The following C1GALT1 variants were observed in gnomAD, a reference collection of about 807,000 sequenced individuals.
C1GALT1 encodes core 1 synthase, glycoprotein-N-acetylgalactosamine 3-beta-galactosyltransferase 1, also known as glycoprotein-N-acetylgalactosamine 3-beta-galactosyltransferase 1.
Under a neutral mutation model 31.0 loss-of-function variants are expected in C1GALT1, and 11 were observed. That is an observed-to-expected ratio of 0.36 (90% CI 0.22 to 0.59). The LOEUF (loss-of-function observed/expected upper bound fraction) is 0.59. Among genes scored for constraint, C1GALT1 ranks in the 20% least tolerant of loss-of-function variants. The pLI, the probability that C1GALT1 is intolerant of heterozygous loss-of-function variation, is 0.79. For synonymous variants in C1GALT1, 175 were observed against 143.6 expected, an observed-to-expected ratio of 1.22 and a Z score of -1.56; for missense variants, 424 against 425.2, an observed-to-expected ratio of 1.00 and a Z score of 0.03.
intron 2 of C1GALT1, among the ~76,000 whole-genome samples, chr7:7,165,124 A>T (rs1331955958): frequency 6.6e-6 from 1 of 152,156 alleles, no homozygotes; most frequent in East Asian, 1.9e-4. Context: ...TTTTATGTGA[A>T]CAGAACTAGA....
Position 7,243,621 on chromosome 7 carries a change from A to G in C1GALT1, c.986A>G (p.Tyr329Cys), listed in dbSNP as rs1162683796. 5 of 1,612,510 alleles carry G rather than the reference A, an allele frequency of 3.1e-6. No homozygotes were observed. Among genetic ancestry groups the G allele is most frequent in the Admixed American group, 1.7e-5 (1 of 59,894 alleles). The change falls in exon 4 of 4, where the codon TAT becomes TGT. Residue 329 changes from tyrosine to cysteine, a missense_variant. Coordinates refer to ENST00000436587, the MANE Select transcript of C1GALT1 (RefSeq NM_020156.5). The part of the protein sequence containing the change: ...LEYLVYHLRP[Y>C]GYLYRYQPTL... ...TACCTCGTTTATCATCTTCGTCCAT[A>G]TGGTTATTTATACAGATATCAACCT...
intron 1 of C1GALT1, among the ~76,000 whole-genome samples, chr7:7,233,234 GATCTTGC>G (rs1783172035): frequency 6.6e-6 from 1 of 152,034 alleles, no homozygotes; most frequent in South Asian, 2.1e-4. Flanking sequence ...CCAAAATCTA[GATCTTGC>G]AGTATAGAGC....
rs560722571 is a variant in C1GALT1 at position 7,163,364 on chromosome 7, C to G, written c.-18+5938C>G. 1.6e-3 allele frequency among the ~76,000 whole-genome samples: 247 copies of G among 152,140 alleles called. 2 individuals are homozygous for G. The highest frequency in any genetic ancestry group is 0.01 in the Middle Eastern group (3 of 294). On this transcript the variant is annotated intron_variant, in intron 2 of 3. Coordinates refer to the C1GALT1 transcript ENST00000429911. ...ACAAACCCACAGCCAATATCATACT[C>G]AATGGGCAAAAACTGGAAGCATTCC...
chr7:7,230,273 T>A (rs1272495695), intron 1 of C1GALT1, among the ~76,000 whole-genome samples: 1 of 152,206 alleles, frequency 6.6e-6, no homozygotes, highest in Non-Finnish European at 1.5e-5. Flanking sequence ...GAAATAAATG[T>A]TAATACAGAA....
intron 1 of C1GALT1, among the ~76,000 whole-genome samples, chr7:7,203,396 T>A (rs7807184): frequency 0.038 from 5,743 of 152,204 alleles, 247 homozygotes; most frequent in African/African-American, 0.11. Flanking sequence ...GTTTATATCA[T>A]GAAAGCATAT....
intron 1 of C1GALT1, chr7:7,209,559 G>A (rs994517931): frequency 3.3e-5 from 5 of 152,238 alleles, no homozygotes; most frequent in African/African-American, 1.2e-4. Flanking sequence ...AGAATAATCT[G>A]CTTCCAGGTA....
chr7:7,246,126 T>C lies in C1GALT1; in HGVS notation c.*2399T>C, dbSNP rs1783833378. On this transcript the variant is annotated 3_prime_UTR_variant, in exon 4 of 4. Coordinates refer to ENST00000436587, the MANE Select transcript of C1GALT1 (RefSeq NM_020156.5). The stretch of plus-strand genomic sequence containing the variant: ...TAGTATTTATCCAATGCCAACTGTA[T>C]GCTAGGTACTGTGCTTAGATAATCT... 6.6e-6 allele frequency: 1 copy of C among 152,192 alleles called. No homozygotes were observed. Among genetic ancestry groups the C allele is most frequent in the South Asian group, 2.1e-4 (1 of 4,834 alleles). The allele number at this position is 152,192 out of a possible 1,614,324, so 9.4% of individuals were successfully genotyped here.
upstream of C1GALT1, among the ~76,000 whole-genome samples, chr7:7,179,859 C>CAA (rs34406199): frequency 6.5e-3 from 625 of 95,932 alleles, 16 homozygotes; most frequent in East Asian, 0.035. Context: ...GTTTCAGGTT[C>CAA]AAAAAAAAAA....
chr7:7,186,207 G>A (rs138861290), intron 1 of C1GALT1, among the ~76,000 whole-genome samples: 87 of 152,104 alleles, frequency 5.7e-4, no homozygotes, highest in African/African-American at 2.0e-3. Context: ...ACCCATTCAT[G>A]AGGGCTGAAC....
upstream of C1GALT1, among the ~76,000 whole-genome samples, chr7:7,181,669 G>A (rs888798081): frequency 6.6e-6 from 1 of 152,172 alleles, no homozygotes; most frequent in Non-Finnish European, 1.5e-5. Flanking sequence ...GCCAGCCCGG[G>A]CAGTCTGATT....
rs747795542 is a variant in C1GALT1, at chr7:7,226,364, AT to A, written c.-17-7936del. 3.1e-4 allele frequency among the ~76,000 whole-genome samples: 46 copies of A among 147,848 alleles called. 1 individual carries two copies. The highest frequency in any genetic ancestry group is 3.0e-3 in the East Asian group (15 of 5,076). On this transcript the variant is annotated intron_variant, in intron 1 of 3. Transcript: ENST00000436587. ...GCAAAATGTGGTATAAAGTGTTAAA[AT>A]TTAAAAAAAAAAATAACTAGAATTT...
chr7:7,195,478 G>T (rs1307400800), intron 1 of C1GALT1, among the ~76,000 whole-genome samples: 1 of 152,146 alleles, frequency 6.6e-6, no homozygotes, highest in African/African-American at 2.4e-5. Context: ...TATTTACATG[G>T]TTTTGAGGGT....
At chr7:7,231,469 T>C (rs1176651963) in intron 1 of C1GALT1, among the ~76,000 whole-genome samples, 2 of 152,176 alleles carry the variant, frequency 1.3e-5, no homozygotes, top group East Asian at 3.8e-4. Flanking sequence ...CCTTTCACTT[T>C]ATTCTGTTTT....
intron 1 of C1GALT1, among the ~76,000 whole-genome samples, chr7:7,191,640 A>C (rs1235814007): frequency 7.0e-6 from 1 of 142,438 alleles, no homozygotes; most frequent in Non-Finnish European, 1.5e-5. Context: ...TTCAACACTT[A>C]ACAATTTTCT....
At chr7:7,200,271 A>G (rs1453421518) in intron 1 of C1GALT1, among the ~76,000 whole-genome samples, 1 of 152,142 alleles carries the variant, frequency 6.6e-6, no homozygotes, top group Non-Finnish European at 1.5e-5. Flanking sequence ...GCTTGTGTGT[A>G]AAGGATTTTA....
chr7:7,185,920 A>G (rs1401674391), intron 1 of C1GALT1, among the ~76,000 whole-genome samples: 8 of 152,240 alleles, frequency 5.3e-5, no homozygotes, highest in Non-Finnish European at 8.8e-5. Flanking sequence ...TTATTTACAT[A>G]TATCAGTGAT....
exon 2 of C1GALT1, chr7:7,157,397 G>A (rs1402396738): frequency 6.6e-6 from 1 of 152,336 alleles, no homozygotes; most frequent in African/African-American, 2.4e-5. Context: ...TCATGGGGAT[G>A]TTTTTTCAGT....
intron 1 of C1GALT1, among the ~76,000 whole-genome samples, chr7:7,232,272 C>T (rs974293198): frequency 2.0e-5 from 3 of 152,120 alleles, no homozygotes; most frequent in Admixed American, 6.5e-5. Flanking sequence ...CTAAAAGAAC[C>T]TAGTCAGCCA....
intron 1 of C1GALT1, among the ~76,000 whole-genome samples, chr7:7,215,864 C>A (rs75468735): frequency 0.037 from 5,642 of 152,066 alleles, 213 homozygotes; most frequent in African/African-American, 0.11. Flanking sequence ...ATACCTATTT[C>A]GGGTCATTAG....
Sources: gnomAD v4.1 joint callset for allele counts (sites outside exome capture counted in the v4.1 genomes callset) on GRCh38, gnomAD v4.1.1 for gene constraint, MANE v1.5 for transcripts, NCBI Gene and HGNC (gene_info 2026-07-23, HGNC 2026-07-21) for gene names.